WSB2: variants seen among roughly 807,000 people sequenced by gnomAD.
WSB2 encodes the protein WD repeat and SOCS box-containing protein 2.
In WSB2, 12 loss-of-function variants were observed where a neutral mutation model predicts 48.8. The ratio of observed to expected loss-of-function variants is 0.25; its 90% CI spans 0.16 to 0.40. The LOEUF (loss-of-function observed/expected upper bound fraction) is 0.40, where lower values mean the gene tolerates loss of function less well. Ranked by LOEUF, WSB2 falls within the 10% of genes least tolerant of loss-of-function variation. The pLI is 1.00. For synonymous variants in WSB2, 191 were observed against 203.1 expected, an observed-to-expected ratio of 0.94 and a Z score of 0.51; for missense variants, 317 against 506.2, an observed-to-expected ratio of 0.63 and a Z score of 3.59.
At chr12:118,044,828 C>T (rs897582272) in intron 2 of WSB2, among the ~76,000 whole-genome samples, 1 of 152,188 alleles carries the variant, frequency 6.6e-6, no homozygotes, top group African/African-American at 2.4e-5. Context: ...TGACCCTGAC[C>T]ACACTCTGGT....
chr12:118,045,173 G>A (rs1209319948), intron 2 of WSB2, among the ~76,000 whole-genome samples: 3 of 151,654 alleles, frequency 2.0e-5, no homozygotes, highest in East Asian at 1.9e-4. Context: ...TCAGGAGATC[G>A]AGACCACGGT....
At chr12:118,050,461 C>G (rs1325662065) in intron 2 of WSB2, among the ~76,000 whole-genome samples, 1 of 151,818 alleles carries the variant, frequency 6.6e-6, no homozygotes, top group Non-Finnish European at 1.5e-5. Flanking sequence ...CCAGCCTAGG[C>G]AAGACCCTGT....
At chr12:118,049,583 A>C (rs2031809520) in intron 2 of WSB2, among the ~76,000 whole-genome samples, 2 of 152,102 alleles carry the variant, frequency 1.3e-5, no homozygotes, top group African/African-American at 4.8e-5. Flanking sequence ...TTGTATTTTT[A>C]ATAGAGACAG....
chr12:118,045,805 G>A (rs2031734110), intron 2 of WSB2, among the ~76,000 whole-genome samples: 1 of 151,562 alleles, frequency 6.6e-6, no homozygotes, highest in Non-Finnish European at 1.5e-5. Flanking sequence ...TAGATCTTCT[G>A]AACTTACCCT....
intron 1 of WSB2, among the ~76,000 whole-genome samples, chr12:118,056,085 C>G (rs901021972): frequency 6.6e-6 from 1 of 152,108 alleles, no homozygotes; most frequent in Non-Finnish European, 1.5e-5. Flanking sequence ...TCCCCTCTAG[C>G]CCCGCACCAT....
intron 8 of WSB2, chr12:118,034,574 G>GCTCT (rs368693869): frequency 0.012 from 6,370 of 529,416 alleles, 264 homozygotes; most frequent in African/African-American, 0.11. Context: ...ATACCAAAGC[G>GCTCT]CTCTCTCTGT....
rs2031480808 is a variant in WSB2, at chr12:118,035,219, A to G, written c.939T>C (p.Asp313=). 6.2e-7 allele frequency: 1 copy of G among 1,614,108 alleles called. No homozygotes were observed. The highest frequency in any genetic ancestry group is 1.1e-5 in the South Asian group (1 of 91,084). The change falls in exon 7 of 9, where the codon GAT becomes GAC. Residue 313 remains aspartate, a synonymous_variant. Transcript: ENST00000315436. The part of the protein sequence containing the change: ...PEGLYLATVA[D]DRLLRIWALE... ...AAGAGAGTTCTCTTCGTTACCTGTC[A>G]TCTGCCACCGTGGCAAGGTACAAGC... is the stretch of plus-strand genomic sequence containing the variant.
At chr12:118,042,398 A>T (rs2031654512) in intron 4 of WSB2, 1 of 169,664 alleles carries the variant, frequency 5.9e-6, no homozygotes, top group Admixed American at 5.5e-5. Flanking sequence ...TGCACAGGAG[A>T]GCCCACGACA....
chr12:118,062,163 A>G (rs2032084553), upstream of WSB2: 2 of 1,535,352 alleles, frequency 1.3e-6, no homozygotes, highest in Non-Finnish European at 8.7e-7. Context: ...CTACCCGCAT[A>G]GCCTCAAGAA....
In WSB2 at chr12:118,060,763, G is replaced by C. The variant is rs529787729; in HGVS notation, c.13+273C>G. Among the ~76,000 whole-genome samples the C allele has an allele frequency of 9.9e-5, 15 of 152,102 alleles. No individual in the cohort carries two copies. In the South Asian group the frequency reaches 3.1e-3, roughly 32 times the overall value. Reference sequence around the variant, plus strand: ...CCACCCGGGAGCCCCCTCTGTCCCGGTCGGGGGATCTCCTCCCGCAGAAGC... The same window carrying C: ...CCACCCGGGAGCCCCCTCTGTCCCGCTCGGGGGATCTCCTCCCGCAGAAGC... On this transcript the variant is annotated intron_variant, in intron 1 of 8. Transcript: ENST00000315436. The surrounding 1 kb of genome is among the most constrained non-coding windows in gnomAD (Gnocchi z 4.1).
At position 118,052,471 on chromosome 12, in the gene WSB2, C is replaced by T. The variant is rs758022060; in HGVS notation, c.21G>A (p.Pro7=). 1.9e-5 allele frequency: 30 copies of T among 1,614,032 alleles called. No homozygotes were observed. Among genetic ancestry groups the T allele is most frequent in the Non-Finnish European group, 2.3e-5 (27 of 1,180,026 alleles). The change falls in exon 2 of 9, where the codon CCG becomes CCA. Residue 7 remains proline (P), a synonymous_variant. Coordinates refer to ENST00000315436, the MANE Select transcript of WSB2 (RefSeq NM_018639.5). MEAGEE[P]LLLAELKPGR... The stretch of plus-strand genomic sequence containing the variant: ...CGGGCTTGAGTTCGGCCAGCAGCAG[C>T]GGTTCCTCTGGGGCAGGAGACAACA...
chr12:118,047,955 G>A (rs1184321700), intron 2 of WSB2, among the ~76,000 whole-genome samples: 1 of 152,004 alleles, frequency 6.6e-6, no homozygotes, highest in Non-Finnish European at 1.5e-5. Flanking sequence ...AAGAGACAGT[G>A]TCTTACTGTT....
rs949712965 is a variant in WSB2 at position 118,040,112 on chromosome 12, A to G, written c.560-1724T>C. On this transcript the variant is annotated intron_variant, in intron 4 of 8. Coordinates refer to ENST00000315436, the MANE Select transcript of WSB2 (RefSeq NM_018639.5). ...CACTGGAGCCCAGGAGGCAGAGGCT[A>G]CAATAAGCCGAGATCGCAGCATTGC... Among the ~76,000 whole-genome samples, 5 of 151,972 alleles carry G rather than the reference A, an allele frequency of 3.3e-5. No homozygotes were observed. In the South Asian group the frequency reaches 6.2e-4, roughly 19 times the overall value.
In WSB2 at chr12:118,034,687, G is replaced by A. The variant is rs191898027; in HGVS notation, c.1052+299C>T. On this transcript the variant is annotated intron_variant, in intron 8 of 8. Transcript: ENST00000315436. Reference sequence around the variant, plus strand: ...AATTATAGATGTTACCTGTAAAGTGGTCTTTTAGCCCTAAATGGTTTCCCA... The same window carrying A: ...AATTATAGATGTTACCTGTAAAGTGATCTTTTAGCCCTAAATGGTTTCCCA... 95 of 494,234 alleles carry A rather than the reference G, an allele frequency of 1.9e-4. No individual in the cohort carries two copies. The East Asian group carries it at 3.2e-3, about 16-fold the overall frequency. 30.6% of individuals were successfully genotyped at this position (494,234 alleles called of 1,614,324 possible). A position where few individuals can be genotyped will look rare whatever the true frequency, so the allele number is the denominator to read the frequency against.
At chr12:118,044,630 T>C (rs2031709078) in intron 2 of WSB2, among the ~76,000 whole-genome samples, 2 of 152,130 alleles carry the variant, frequency 1.3e-5, no homozygotes, top group African/African-American at 4.8e-5. Context: ...GGAAGATCTC[T>C]TAATCCCACC....
At chr12:118,042,558 A>C in intron 4 of WSB2, 1 of 323,866 alleles carries the variant, frequency 3.1e-6, no homozygotes, top group South Asian at 4.8e-5. Flanking sequence ...TACAAAGCAT[A>C]GACATGCATT....
intron 4 of WSB2, among the ~76,000 whole-genome samples, chr12:118,038,973 A>G (rs2031571500): frequency 6.6e-6 from 1 of 152,176 alleles, no homozygotes; most frequent in South Asian, 2.1e-4. Context: ...CCTCATAGGA[A>G]ACCATATCAA....
At position 118,060,475 on chromosome 12, in the gene WSB2, A is replaced by ACACAGAC. The variant is rs1566145106; in HGVS notation, c.13+560_13+561insGTCTGTG. 6.6e-6 allele frequency among the ~76,000 whole-genome samples: 1 copy of ACACAGAC among 152,060 alleles called. No homozygotes were observed. Among genetic ancestry groups the ACACAGAC allele is most frequent in the Non-Finnish European group, 1.5e-5 (1 of 67,988 alleles). ...TGGGAATAGATTGTTTCAATAGGGAACCCAGACCCCAGACCCCATTTTTAC... is the reference window on the plus strand; with the variant it reads ...TGGGAATAGATTGTTTCAATAGGGAACACAGACCCCAGACCCCAGACCCCATTTTTAC... On this transcript the variant is annotated intron_variant, in intron 1 of 8. Transcript: ENST00000315436. The surrounding 1 kb of genome is among the most constrained non-coding windows in gnomAD (Gnocchi z 4.1).
chr12:118,062,008 G>T, upstream of WSB2: 1 of 1,257,404 alleles, frequency 8.0e-7, no homozygotes, highest in Non-Finnish European at 1.1e-6. Flanking sequence ...GCGGTGGGGA[G>T]AGGAGGGCAG....
Sources: allele counts gnomAD v4.1 joint callset (sites outside exome capture counted in the v4.1 genomes callset), GRCh38; gene constraint gnomAD v4.1.1; non-coding constraint Gnocchi (gnomAD v3.1); transcripts MANE v1.5; gene names NCBI Gene and HGNC (gene_info 2026-07-23, HGNC 2026-07-21).